TTC7B: variants seen among roughly 807,000 people sequenced by gnomAD.
TTC7B encodes the protein tetratricopeptide repeat domain 7B.
Under a neutral mutation model 106.8 loss-of-function variants are expected in TTC7B, and 28 were observed. The observed-to-expected ratio is 0.26, with a 90% confidence interval of 0.19 to 0.36. The LOEUF is 0.36. TTC7B is among the 10% of genes least tolerant of loss of function. The pLI is 1.00. For synonymous variants in TTC7B, 405 were observed against 430.6 expected (o/e 0.94, Z 0.74); for missense variants, 862 against 1,076.4 (o/e 0.80, Z 2.79).
intron 17 of TTC7B, among the ~76,000 whole-genome samples, chr14:90,610,160 A>G (rs899395626): frequency 6.6e-6 from 1 of 152,064 alleles, no homozygotes; most frequent in Non-Finnish European, 1.5e-5. Flanking sequence ...GGTAAGGGAC[A>G]CTTCACCTGT....
Position 90,577,960 on chromosome 14 carries a change from TG to T in TTC7B, c.2310+145del. Reference sequence around the variant, plus strand: ...AAACTATGGTAGAAACGGTGCCCTCTGGCTTCAGGCCATGTGACAGCCTGGC... The same window carrying T: ...AAACTATGGTAGAAACGGTGCCCTCTGCTTCAGGCCATGTGACAGCCTGGC... On this transcript the variant is annotated intron_variant, in intron 19 of 19. Transcript: ENST00000328459. The surrounding 1 kb of genome is among the most constrained non-coding windows in gnomAD (Gnocchi z 5.0). 9.8e-7 allele frequency: 1 copy of T among 1,025,272 alleles called. No individual in the cohort carries two copies. Among genetic ancestry groups the T allele is most frequent in the Non-Finnish European group, 1.4e-6 (1 of 704,130 alleles). 63.5% of individuals were successfully genotyped at this position (1,025,272 alleles called of 1,614,324 possible).
At position 90,769,078 on chromosome 14, in the gene TTC7B, T is replaced by C. The variant is rs191840456; in HGVS notation, c.445+11660A>G. Reference sequence around the variant, plus strand: ...TAGAGCTTTACAGGAATGGAGTCTTTGTATGTTAGTCAAGCTGGTATACAT... The same window carrying C: ...TAGAGCTTTACAGGAATGGAGTCTTCGTATGTTAGTCAAGCTGGTATACAT... On this transcript the variant is annotated intron_variant, in intron 3 of 19. Coordinates refer to ENST00000328459, the MANE Select transcript of TTC7B (RefSeq NM_001010854.2). 3.3e-5 allele frequency among the ~76,000 whole-genome samples: 5 copies of C among 152,310 alleles called. No homozygotes were observed. The East Asian group carries it at 9.6e-4, about 29-fold the overall frequency.
At chr14:90,610,684 C>G (rs1364345866) in intron 17 of TTC7B, 58 bp downstream of exon 17, 2 of 1,290,122 alleles carry the variant, frequency 1.6e-6, no homozygotes. Context: ...GTCACTTGGT[C>G]CCAGGCCCCC....
At chr14:90,611,198 G>A (rs1444787060) in intron 16 of TTC7B, among the ~76,000 whole-genome samples, 1 of 152,180 alleles carries the variant, frequency 6.6e-6, no homozygotes, top group African/African-American at 2.4e-5. Flanking sequence ...CTTAGCAAGT[G>A]AGTCCATGAA....
At position 90,794,458 on chromosome 14, in the gene TTC7B, C is replaced by G. The variant is rs570315691; in HGVS notation, c.122-8130G>C. Reference sequence around the variant, plus strand: ...GGCCAGGATGGTCTCAATCTCTTCACCTCGTGATCCACCTGTCTCGGCCTC... The same window carrying G: ...GGCCAGGATGGTCTCAATCTCTTCAGCTCGTGATCCACCTGTCTCGGCCTC... On this transcript the variant is annotated intron_variant, in intron 1 of 19. Transcript: ENST00000328459. 5.3e-5 allele frequency among the ~76,000 whole-genome samples: 8 copies of G among 151,466 alleles called. No homozygotes were observed. The East Asian group carries it at 1.6e-3, about 30-fold the overall frequency.
At chr14:90,781,276 A>G (rs1333226783) in intron 2 of TTC7B, among the ~76,000 whole-genome samples, 1 of 152,128 alleles carries the variant, frequency 6.6e-6, no homozygotes, top group Non-Finnish European at 1.5e-5. Context: ...GTTAGAAAAC[A>G]GATTAGTCTT....
intron 18 of TTC7B, among the ~76,000 whole-genome samples, chr14:90,579,873 C>A (rs572593603): frequency 6.6e-6 from 1 of 152,376 alleles, no homozygotes; most frequent in Non-Finnish European, 1.5e-5. Context: ...GTGCACCTTA[C>A]CCTGTCATCC....
At chr14:90,598,138 G>A (rs1012122150) in intron 17 of TTC7B, among the ~76,000 whole-genome samples, 1 of 152,094 alleles carries the variant, frequency 6.6e-6, no homozygotes, top group African/African-American at 2.4e-5. Context: ...GAGACAATGC[G>A]CCTCTCCCCG....
intron 19 of TTC7B, among the ~76,000 whole-genome samples, chr14:90,556,095 G>T (rs184399885): frequency 7.2e-5 from 11 of 152,372 alleles, no homozygotes; most frequent in Non-Finnish European, 8.8e-5. Context: ...AAAGTGTCAG[G>T]CCAGCAAGTC....
At chr14:90,598,337 G>A (rs1266441621) in intron 17 of TTC7B, among the ~76,000 whole-genome samples, 9 of 152,110 alleles carry the variant, frequency 5.9e-5, no homozygotes, top group Admixed American at 5.9e-4. Flanking sequence ...GGCTTTCCTT[G>A]CCCTCCCACC....
At chr14:90,622,926 T>C (rs1402355604) in intron 15 of TTC7B, among the ~76,000 whole-genome samples, 1 of 152,158 alleles carries the variant, frequency 6.6e-6, no homozygotes, top group Non-Finnish European at 1.5e-5. Context: ...GATTTGTCCA[T>C]TGCCCATCAC....
chr14:90,731,949 C>T (rs1422766184), intron 4 of TTC7B, among the ~76,000 whole-genome samples: 1 of 152,066 alleles, frequency 6.6e-6, no homozygotes, highest in Admixed American at 6.5e-5. Flanking sequence ...TTAATTTTGA[C>T]ATGCCATGAT....
chr14:90,724,458 C>CA (rs1889012467), intron 5 of TTC7B, among the ~76,000 whole-genome samples: 1 of 152,052 alleles, frequency 6.6e-6, no homozygotes, highest in East Asian at 1.9e-4. Context: ...GTGACTGGAC[C>CA]GTAGGGGTGA....
intron 14 of TTC7B, among the ~76,000 whole-genome samples, chr14:90,645,774 C>T (rs893568047): frequency 6.6e-6 from 1 of 152,208 alleles, no homozygotes; most frequent in South Asian, 2.1e-4. Flanking sequence ...GAATTCAAAG[C>T]TGGTTCCTTC....
chr14:90,676,469 C>G, intron 9 of TTC7B, 54 bp downstream of exon 9: 1 of 1,595,766 alleles, frequency 6.3e-7, no homozygotes, highest in Non-Finnish European at 8.6e-7. Context: ...TCCCTGGGGT[C>G]ACCGTGCAAC....
At chr14:90,677,011 A>G (rs898287012) in intron 8 of TTC7B, among the ~76,000 whole-genome samples, 4 of 152,194 alleles carry the variant, frequency 2.6e-5, no homozygotes, top group Non-Finnish European at 5.9e-5. Flanking sequence ...GAGCAGCCGA[A>G]TCATCCATCA....
intron 1 of TTC7B, among the ~76,000 whole-genome samples, chr14:90,798,463 G>C (rs1275340176): frequency 6.6e-6 from 1 of 152,090 alleles, no homozygotes; most frequent in African/African-American, 2.4e-5. Context: ...GCCGGACTAG[G>C]TGGCTCACAC....
intron 18 of TTC7B, among the ~76,000 whole-genome samples, chr14:90,585,994 G>A (rs1031946528): frequency 7.9e-5 from 12 of 152,332 alleles, no homozygotes; most frequent in African/African-American, 1.9e-4. Flanking sequence ...CGTTATTTTA[G>A]TAGTTGTTAT....
In TTC7B at chr14:90,527,607, G is replaced by A. The variant is rs1293096862; in HGVS notation, c.*13761C>T. 2 of 149,364 alleles carry A rather than the reference G, an allele frequency of 1.3e-5. No individual in the cohort carries two copies. Among genetic ancestry groups the A allele is most frequent in the African/African-American group, 5.0e-5 (2 of 40,318 alleles). The allele number at this position is 149,364 out of a possible 1,614,324, so 9.3% of individuals were successfully genotyped here. ...TGGAGTCTCACTCTGTCGCCCAGGTGGGAGTGCAATGGCGCCATCTCGGCT... is the reference window on the plus strand; with the variant it reads ...TGGAGTCTCACTCTGTCGCCCAGGTAGGAGTGCAATGGCGCCATCTCGGCT... On this transcript the variant is annotated 3_prime_UTR_variant, in exon 20 of 20. Coordinates refer to ENST00000328459, the MANE Select transcript of TTC7B (RefSeq NM_001010854.2).
Sources: gnomAD v4.1 joint callset for allele counts (sites outside exome capture counted in the v4.1 genomes callset) on GRCh38, gnomAD v4.1.1 for gene constraint, Gnocchi (gnomAD v3.1) non-coding constraint, MANE v1.5 for transcripts, NCBI Gene and HGNC (gene_info 2026-07-23, HGNC 2026-07-21) for gene names.